Variants in FAM184B observed in about 807,000 individuals in gnomAD.
FAM184B encodes the protein family with sequence similarity 184 member B.
A neutral mutation model predicts 135.9 loss-of-function variants in FAM184B; 111 were observed. The observed-to-expected ratio is 0.82, with a 90% CI of 0.70 to 0.96. The LOEUF is 0.96. Ranked by LOEUF, FAM184B falls within the 40% of genes least tolerant of loss-of-function variation. The pLI is 0.00. For missense variants in FAM184B, 1,375 were observed against 1,323.9 expected (o/e 1.04, Z -0.60); for synonymous variants, 552 against 524.8 (o/e 1.05, Z -0.71).
intron 7 of FAM184B, 41 bp from the exon 8 acceptor site, chr4:17,664,700 G>A (rs1033275719): frequency 4.4e-6 from 6 of 1,358,870 alleles, no homozygotes; most frequent in Middle Eastern, 1.8e-4. Flanking sequence ...AAAAAGGCAA[G>A]ATGAGCTTAA....
intron 1 of FAM184B, among the ~76,000 whole-genome samples, chr4:17,736,272 C>T (rs1446460515): frequency 2.0e-5 from 3 of 152,154 alleles, no homozygotes; most frequent in African/African-American, 7.2e-5. Flanking sequence ...TGTTCTTAAC[C>T]ACTGTGTAAG....
intron 7 of FAM184B, among the ~76,000 whole-genome samples, chr4:17,684,008 G>A (rs1215291937): frequency 2.6e-5 from 4 of 151,254 alleles, no homozygotes; most frequent in Non-Finnish European, 4.4e-5. Flanking sequence ...CCAGGAAATC[G>A]AGGATTGCAG....
intron 4 of FAM184B, 98 bp from the exon 5 acceptor site, chr4:17,705,304 C>T (rs896262672): frequency 2.2e-6 from 2 of 912,486 alleles, no homozygotes; most frequent in South Asian, 1.7e-5. Flanking sequence ...CGTTTATACA[C>T]TGTTTTTACA....
chr4:17,688,185 C>T (rs1716634968), intron 7 of FAM184B, among the ~76,000 whole-genome samples: 1 of 152,110 alleles, frequency 6.6e-6, no homozygotes, highest in South Asian at 2.1e-4. Flanking sequence ...AGAGCGGAGA[C>T]TCATCTGACA....
At chr4:17,649,883 C>A (rs6845404) in intron 11 of FAM184B, among the ~76,000 whole-genome samples, 1 of 63,532 alleles carries the variant, frequency 1.6e-5, no homozygotes, top group East Asian at 1.7e-3. Context: ...CATCCATCCA[C>A]CCATCTATCT....
At chr4:17,746,158 C>G (rs944537122) in intron 1 of FAM184B, among the ~76,000 whole-genome samples, 3 of 151,864 alleles carry the variant, frequency 2.0e-5, no homozygotes, top group African/African-American at 7.3e-5. Flanking sequence ...AGGGTTTCAT[C>G]ATGTTGGCCA....
intron 7 of FAM184B, among the ~76,000 whole-genome samples, chr4:17,670,747 G>C (rs1716153047): frequency 6.6e-6 from 1 of 152,208 alleles, no homozygotes. Flanking sequence ...TTAAATTGGA[G>C]AAGTCCAGCC....
At chr4:17,693,279 G>A in intron 6 of FAM184B, 23 bp downstream of exon 6, 1 of 1,525,528 alleles carries the variant, frequency 6.6e-7, no homozygotes, top group Non-Finnish European at 8.9e-7. Context: ...GCACCCCAAG[G>A]CTTGCATTTG....
intron 7 of FAM184B, among the ~76,000 whole-genome samples, chr4:17,669,562 C>T (rs1296227564): frequency 6.6e-6 from 1 of 152,114 alleles, no homozygotes; most frequent in Non-Finnish European, 1.5e-5. Flanking sequence ...GTTGGCAAAA[C>T]AATTCTAATA....
intron 16 of FAM184B, 34 bp downstream of exon 16, chr4:17,634,975 G>A (rs1473387804): frequency 4.2e-6 from 6 of 1,435,178 alleles, no homozygotes; most frequent in Non-Finnish European, 5.8e-6. Flanking sequence ...CAATGGAATT[G>A]TATAATGCAT....
chr4:17,742,946 G>A lies in FAM184B; in HGVS notation c.142-33302C>T, dbSNP rs114622231. 3.2e-3 allele frequency among the ~76,000 whole-genome samples: 491 copies of A among 152,324 alleles called. 1 individual carries two copies. Among genetic ancestry groups the A allele is most frequent in the African/African-American group, 0.011 (454 of 41,584 alleles). On this transcript the variant is annotated intron_variant, in intron 1 of 17. Transcript: ENST00000265018. ...ATCCCTGGACAGCAGAGCTGAAAAA[G>A]CATTGGTTATACATGCTTGGAGCTG... is the stretch of plus-strand genomic sequence containing the variant.
intron 5 of FAM184B, among the ~76,000 whole-genome samples, 151 bp from the exon 6 acceptor site, chr4:17,693,563 CAAAAG>C (rs1263664332): frequency 6.6e-6 from 1 of 151,942 alleles, no homozygotes; most frequent in Non-Finnish European, 1.5e-5. Flanking sequence ...ACGAGAAGGT[CAAAAG>C]AAAACACGTG....
chr4:17,723,110 CA>C (rs1717567444), intron 1 of FAM184B, among the ~76,000 whole-genome samples: 1 of 152,150 alleles, frequency 6.6e-6, no homozygotes, highest in African/African-American at 2.4e-5. Flanking sequence ...AATGGTATAA[CA>C]ATGTGTGCTA....
In FAM184B at chr4:17,658,505, G is replaced by A. The variant is rs1464871303; in HGVS notation, c.1882C>T (p.Gln628Ter). ...AGGTCCGAGAGCTGCTTGAGTGCCT[G>A]CAGGTCCTCCCTGTAGTTGCTGGTG... is the stretch of plus-strand genomic sequence containing the variant. ...QCTSNYREDL[Q>*]ALKQLSDLER... The change falls in exon 10 of 18, where the codon CAG (glutamine) becomes TAG (stop). Residue 628 changes from glutamine to a stop codon, truncating the protein, a stop_gained. Coordinates refer to ENST00000265018, the MANE Select transcript of FAM184B (RefSeq NM_015688.2). LOFTEE classifies it high-confidence loss of function. 2 of 1,551,556 alleles carry A rather than the reference G, an allele frequency of 1.3e-6. No individual in the cohort carries two copies. The highest frequency in any genetic ancestry group is 1.7e-6 in the Non-Finnish European group (2 of 1,146,992).
chr4:17,702,851 C>T (rs557511187), intron 5 of FAM184B, among the ~76,000 whole-genome samples: 2 of 152,218 alleles, frequency 1.3e-5, no homozygotes, highest in East Asian at 1.9e-4. Flanking sequence ...TGCTTGTGGC[C>T]GGGGATGGAA....
intron 1 of FAM184B, among the ~76,000 whole-genome samples, chr4:17,723,857 C>T (rs764326021): frequency 6.6e-6 from 1 of 152,130 alleles, no homozygotes; most frequent in South Asian, 2.1e-4. Flanking sequence ...TTTCTGAAAG[C>T]GTAGCGTGCC....
chr4:17,738,729 T>C (rs1446960205), intron 1 of FAM184B, among the ~76,000 whole-genome samples: 1 of 152,088 alleles, frequency 6.6e-6, no homozygotes, highest in Non-Finnish European at 1.5e-5. Context: ...TTGACCCCAG[T>C]GTTGGAGGTG....
At chr4:17,719,900 A>G (rs1052464061) in intron 1 of FAM184B, among the ~76,000 whole-genome samples, 11 of 152,132 alleles carry the variant, frequency 7.2e-5, no homozygotes, top group Admixed American at 6.5e-5. Context: ...CATCTGTTCA[A>G]CTTTTCAGCA....
chr4:17,691,833 T>A (rs1716743035), intron 6 of FAM184B, among the ~76,000 whole-genome samples: 1 of 151,784 alleles, frequency 6.6e-6, no homozygotes, highest in African/African-American at 2.4e-5. Context: ...GGCAGGCAGA[T>A]CACGAGGTCA....
Sources: allele counts gnomAD v4.1 joint callset (sites outside exome capture counted in the v4.1 genomes callset), GRCh38; gene constraint gnomAD v4.1.1; transcripts MANE v1.5; gene names NCBI Gene and HGNC (gene_info 2026-07-23, HGNC 2026-07-21).